Variants in CTNNA3 observed in about 807,000 individuals in gnomAD.
CTNNA3 encodes catenin alpha 3, also known as catenin alpha-3.
A neutral mutation model predicts 95.7 loss-of-function variants in CTNNA3; 76 were observed. The ratio of observed to expected loss-of-function variants is 0.79; its 90% confidence interval spans 0.66 to 0.96. The LOEUF (loss-of-function observed/expected upper bound fraction) is 0.96, where lower values mean the gene tolerates loss of function less well. Among genes scored for constraint, CTNNA3 ranks in the 40% least tolerant of loss-of-function variants. The pLI is 0.00. For missense variants in CTNNA3, 1,191 were observed against 1,089.8 expected (o/e 1.09, Z -1.31); for synonymous variants, 431 against 374.4 (o/e 1.15, Z -1.74).
chr10:66,503,304 C>A (rs982906823), intron 11 of CTNNA3, among the ~76,000 whole-genome samples: 17 of 152,054 alleles, frequency 1.1e-4, no homozygotes, highest in Admixed American at 5.2e-4. Flanking sequence ...CTAGTAGGTG[C>A]TCACCAAATA....
chr10:66,272,972 C>T (rs1347902077), intron 13 of CTNNA3, among the ~76,000 whole-genome samples: 1 of 152,170 alleles, frequency 6.6e-6, no homozygotes, highest in East Asian at 1.9e-4. Context: ...TTATCATACC[C>T]TGTGGCTGTG....
chr10:67,135,040 C>A (rs1482862439), intron 7 of CTNNA3, among the ~76,000 whole-genome samples: 4 of 151,850 alleles, frequency 2.6e-5, no homozygotes, highest in Non-Finnish European at 4.4e-5. Context: ...GGGTAATGTT[C>A]CTTAAGGTGT....
intron 13 of CTNNA3, among the ~76,000 whole-genome samples, chr10:66,222,588 A>AAAAGAAAGAATGAAAG (rs375468838): frequency 2.3e-5 from 3 of 127,678 alleles, no homozygotes; most frequent in Non-Finnish European, 5.2e-5. Context: ...GAAGGAAAGA[A>AAAAGAAAGAATGAAAG]AAAGAAAGAA....
chr10:67,385,373 G>A (rs1453485082), intron 5 of CTNNA3, among the ~76,000 whole-genome samples: 1 of 152,106 alleles, frequency 6.6e-6, no homozygotes, highest in Non-Finnish European at 1.5e-5. Context: ...TTTTCTTTCA[G>A]AAACTAGAAA....
At chr10:67,062,558 A>C (rs1925586) in intron 7 of CTNNA3, among the ~76,000 whole-genome samples, 52,616 of 151,708 alleles carry the variant, frequency 0.35, 9,637 homozygotes, top group Middle Eastern at 0.55. Flanking sequence ...TGGGGCATTA[A>C]GGCAGGCAAA....
chr10:66,459,991 C>A (rs775052746), intron 11 of CTNNA3, among the ~76,000 whole-genome samples: 5 of 151,864 alleles, frequency 3.3e-5, no homozygotes, highest in Non-Finnish European at 7.4e-5. Context: ...AATGACAGAT[C>A]TAACATTTTT....
chr10:66,114,682 C>T (rs935695331), intron 13 of CTNNA3, among the ~76,000 whole-genome samples: 2 of 151,568 alleles, frequency 1.3e-5, no homozygotes, highest in African/African-American at 2.4e-5. Flanking sequence ...AGATCGAGAC[C>T]ATCCTGGCCA....
rs555165093 is a variant in CTNNA3, at chr10:66,350,546, A to G, written c.1732+28606T>C. ...AAATCAAAACGTAGCTCCAGAAAAA[A>G]AAAATTGGGGAAGAAATTCCCACAT... On this transcript the variant is annotated intron_variant, in intron 12 of 17. Transcript: ENST00000433211. 4.8e-4 allele frequency among the ~76,000 whole-genome samples: 73 copies of G among 152,046 alleles called. 1 individual carries two copies. In the South Asian group the frequency reaches 0.015, roughly 31 times the overall value.
upstream of CTNNA3, among the ~76,000 whole-genome samples, chr10:67,697,197 T>A (rs1158630015): frequency 6.6e-6 from 1 of 152,200 alleles, no homozygotes; most frequent in Admixed American, 6.5e-5. Flanking sequence ...ATGGGCATAA[T>A]TGACAATATA....
chr10:67,419,214 C>CA (rs1475607228), intron 5 of CTNNA3, among the ~76,000 whole-genome samples: 1 of 151,880 alleles, frequency 6.6e-6, no homozygotes, highest in South Asian at 2.1e-4. Flanking sequence ...ACTTAAAAAA[C>CA]AAAAAATGGA....
At chr10:67,290,286 C>T (rs1839783486) in intron 5 of CTNNA3, among the ~76,000 whole-genome samples, 1 of 152,124 alleles carries the variant, frequency 6.6e-6, no homozygotes, top group Non-Finnish European at 1.5e-5. Context: ...TGTAGCACCA[C>T]AAATCCTAGT....
intron 13 of CTNNA3, among the ~76,000 whole-genome samples, chr10:66,244,500 A>G (rs1439328143): frequency 6.6e-6 from 1 of 152,190 alleles, no homozygotes; most frequent in African/African-American, 2.4e-5. Context: ...ATGTGGCCAC[A>G]GTGGGGCCCT....
chr10:67,058,158 T>C (rs925315670), intron 7 of CTNNA3, among the ~76,000 whole-genome samples: 22 of 152,302 alleles, frequency 1.4e-4, no homozygotes, highest in African/African-American at 5.1e-4. Context: ...GTTCCTATAA[T>C]CTTAGGAAAT....
At chr10:66,382,880 G>A (rs9414924) in intron 11 of CTNNA3, among the ~76,000 whole-genome samples, 72,712 of 151,942 alleles carry the variant, frequency 0.48, 17,831 homozygotes, top group African/African-American at 0.58. Context: ...AAACAGAAAG[G>A]AGTAGCATCA....
intron 9 of CTNNA3, among the ~76,000 whole-genome samples, chr10:66,654,418 C>T (rs200507493): frequency 6.6e-6 from 1 of 152,022 alleles, no homozygotes; most frequent in African/African-American, 2.4e-5. Context: ...TCACCTTATA[C>T]CTGTTACAAT....
chr10:66,800,686 TA>T, intron 7 of CTNNA3, among the ~76,000 whole-genome samples: 1 of 151,404 alleles, frequency 6.6e-6, no homozygotes, highest in Non-Finnish European at 1.5e-5. Context: ...ATCAGGAAAC[TA>T]CAACTATATA....
chr10:66,725,505 C>A (rs535974580), intron 9 of CTNNA3, among the ~76,000 whole-genome samples: 4 of 152,154 alleles, frequency 2.6e-5, no homozygotes, highest in Non-Finnish European at 4.4e-5. Flanking sequence ...ACACAATAAA[C>A]CCATGTATCA....
intron 1 of CTNNA3, among the ~76,000 whole-genome samples, chr10:67,688,408 C>T (rs1189359777): frequency 2.0e-5 from 3 of 152,058 alleles, no homozygotes; most frequent in South Asian, 2.1e-4. Context: ...CTGAGAGGTC[C>T]TCCTGTGGGA....
At chr10:67,512,878 G>A (rs1183147263) in intron 5 of CTNNA3, among the ~76,000 whole-genome samples, 1 of 152,058 alleles carries the variant, frequency 6.6e-6, no homozygotes, top group African/African-American at 2.4e-5. Flanking sequence ...CCAGCTACTC[G>A]GGAAGCGGAG....
Sources: gnomAD v4.1 joint callset for allele counts (sites outside exome capture counted in the v4.1 genomes callset) on GRCh38, gnomAD v4.1.1 for gene constraint, MANE v1.5 for transcripts, NCBI Gene and HGNC (gene_info 2026-07-23, HGNC 2026-07-21) for gene names.